Variants in HDAC9 observed in about 807,000 individuals in gnomAD.
The protein encoded by HDAC9 is MEF-2 interacting transcription repressor (MITR) protein.
In HDAC9, 41 loss-of-function variants were observed where a neutral mutation model predicts 139.4. The ratio of observed to expected loss-of-function variants is 0.29; its 90% confidence interval spans 0.23 to 0.38. The LOEUF is 0.38. Among genes scored for constraint, HDAC9 ranks in the 10% least tolerant of loss-of-function variants. The pLI is 1.00. For synonymous variants in HDAC9, 517 were observed against 476.2 expected, an observed-to-expected ratio of 1.09 and a Z score of -1.12; for missense variants, 1,147 against 1,297.0, an observed-to-expected ratio of 0.88 and a Z score of 1.78.
At chr7:18,451,399 GTGTA>G (rs1440104158) in intron 1 of HDAC9, among the ~76,000 whole-genome samples, 203 of 130,846 alleles carry the variant, frequency 1.6e-3, no homozygotes, top group African/African-American at 5.3e-3. Flanking sequence ...GTGTGTGTGT[GTGTA>G]TATATGTGTG....
chr7:18,124,331 C>T (rs1784531421), intron 1 of HDAC9, among the ~76,000 whole-genome samples: 1 of 152,174 alleles, frequency 6.6e-6, no homozygotes, highest in African/African-American at 2.4e-5. Context: ...TTTAGCTTTC[C>T]AAGTGGCTGT....
chr7:18,555,629 C>G (rs1204969954), intron 2 of HDAC9, among the ~76,000 whole-genome samples: 1 of 152,052 alleles, frequency 6.6e-6, no homozygotes, highest in Non-Finnish European at 1.5e-5. Flanking sequence ...AGAGGATATA[C>G]TGGATCTTAG....
chr7:18,218,515 C>A (rs1025482078), intron 2 of HDAC9, among the ~76,000 whole-genome samples: 1 of 152,056 alleles, frequency 6.6e-6, no homozygotes, highest in African/African-American at 2.4e-5. Flanking sequence ...TCCATTGACC[C>A]TACTAACCAA....
At chr7:18,501,993 C>G (rs186358565) in intron 2 of HDAC9, among the ~76,000 whole-genome samples, 56 of 152,272 alleles carry the variant, frequency 3.7e-4, no homozygotes, top group African/African-American at 1.3e-3. Flanking sequence ...ATGGCAGCAG[C>G]ATTCAGGTCC....
chr7:18,192,866 A>T (rs1006553375), intron 2 of HDAC9, among the ~76,000 whole-genome samples: 7 of 152,192 alleles, frequency 4.6e-5, no homozygotes, highest in African/African-American at 1.7e-4. Context: ...TGTATTTAAT[A>T]TGTATTTCTC....
At chr7:18,775,361 A>T (rs1278034080) in intron 16 of HDAC9, among the ~76,000 whole-genome samples, 11 of 152,072 alleles carry the variant, frequency 7.2e-5, no homozygotes, top group Admixed American at 7.2e-4. Flanking sequence ...TTTGTAAAAA[A>T]TCAAAGTATC....
chr7:18,619,535 G>C (rs1438611294), intron 6 of HDAC9, among the ~76,000 whole-genome samples: 1 of 152,136 alleles, frequency 6.6e-6, no homozygotes, highest in Admixed American at 6.6e-5. Flanking sequence ...GCAAGTATAG[G>C]CTATTTCTTT....
intron 21 of HDAC9, among the ~76,000 whole-genome samples, chr7:18,859,520 G>T: frequency 6.7e-6 from 1 of 149,764 alleles, no homozygotes; most frequent in African/African-American, 2.5e-5. Flanking sequence ...CTTGCCTTTT[G>T]TCTTGTTCAT....
At chr7:18,854,005 C>T (rs1219647220) in intron 21 of HDAC9, among the ~76,000 whole-genome samples, 1 of 152,102 alleles carries the variant, frequency 6.6e-6, no homozygotes, top group Admixed American at 6.6e-5. Context: ...AGTTCACTTG[C>T]TTGGAACATA....
intron 6 of HDAC9, among the ~76,000 whole-genome samples, chr7:18,599,230 C>T (rs536623287): frequency 6.6e-6 from 1 of 152,170 alleles, no homozygotes; most frequent in Non-Finnish European, 1.5e-5. Flanking sequence ...CTCCTAACCC[C>T]TAGGTTTCTG....
At chr7:18,220,914 T>A (rs1792653551) in intron 2 of HDAC9, among the ~76,000 whole-genome samples, 1 of 152,204 alleles carries the variant, frequency 6.6e-6, no homozygotes, top group African/African-American at 2.4e-5. Flanking sequence ...AGTAATGTTA[T>A]CTTGTTCTCT....
intron 3 of HDAC9, among the ~76,000 whole-genome samples, chr7:18,587,539 A>C (rs899302508): frequency 6.6e-6 from 1 of 152,236 alleles, no homozygotes; most frequent in Non-Finnish European, 1.5e-5. Context: ...GATGCATTAC[A>C]TGATGCTTTA....
At chr7:18,808,485 A>G (rs962404374) in intron 17 of HDAC9, among the ~76,000 whole-genome samples, 4 of 152,158 alleles carry the variant, frequency 2.6e-5, no homozygotes, top group Admixed American at 6.6e-5. Context: ...TAGGATACAA[A>G]TCACATACAA....
At position 18,449,829 on chromosome 7, in the gene HDAC9, T is replaced by C. The variant is rs1792649611; in HGVS notation, c.-41-46433T>C. ...TTATAAAATTTAAGTTTACTAATTA[T>C]CTGTTTGCAGTATCTCAGATAATGA... On this transcript the variant is annotated intron_variant, in intron 1 of 3. Transcript: ENST00000413509. Among the ~76,000 whole-genome samples, 5 of 152,272 alleles carry C rather than the reference T, an allele frequency of 3.3e-5. No homozygotes were observed. In the South Asian group the frequency reaches 1.0e-3, roughly 32 times the overall value.
At chr7:18,954,899 C>T (rs1783043596) in intron 24 of HDAC9, among the ~76,000 whole-genome samples, 1 of 152,086 alleles carries the variant, frequency 6.6e-6, no homozygotes, top group Non-Finnish European at 1.5e-5. Context: ...TAAGAAGCCA[C>T]TTGCCAGCTA....
chr7:18,260,320 TTTG>T (rs1795574790), intron 2 of HDAC9, among the ~76,000 whole-genome samples: 19 of 133,904 alleles, frequency 1.4e-4, no homozygotes, highest in Middle Eastern at 4.0e-3. Flanking sequence ...TGTTTTTTTT[TTTG>T]TTTTTTTTTT....
At chr7:18,175,000 G>T (rs1215732356) in intron 2 of HDAC9, among the ~76,000 whole-genome samples, 1 of 152,218 alleles carries the variant, frequency 6.6e-6, no homozygotes, top group African/African-American at 2.4e-5. Context: ...CCTGTCAGAA[G>T]GGGACGTTTA....
intron 1 of HDAC9, among the ~76,000 whole-genome samples, chr7:18,126,730 A>G (rs1371578598): frequency 6.6e-6 from 1 of 152,076 alleles, no homozygotes; most frequent in Non-Finnish European, 1.5e-5. Flanking sequence ...GGAAACTACC[A>G]ATTTCTGAGA....
intron 1 of HDAC9, among the ~76,000 whole-genome samples, chr7:18,435,368 CTA>C (rs2128767659): frequency 6.6e-6 from 1 of 151,968 alleles, no homozygotes; most frequent in Admixed American, 6.5e-5. Context: ...TGCAATTTAC[CTA>C]TGTAACAAAC....
Sources: gnomAD v4.1 joint callset for allele counts (sites outside exome capture counted in the v4.1 genomes callset) on GRCh38, gnomAD v4.1.1 for gene constraint, MANE v1.5 for transcripts, NCBI Gene and HGNC (gene_info 2026-07-23, HGNC 2026-07-21) for gene names.